ANLN: variants seen among roughly 807,000 people sequenced by gnomAD.
ANLN encodes anillin.
In ANLN, 59 loss-of-function variants were observed where a neutral mutation model predicts 135.1. That is an observed-to-expected ratio of 0.44 (90% CI 0.35 to 0.54). The LOEUF (loss-of-function observed/expected upper bound fraction) is 0.54. Ranked by LOEUF, ANLN falls within the 20% of genes least tolerant of loss-of-function variation. The pLI, the probability that ANLN is intolerant of heterozygous loss-of-function variation, is 0.00. For synonymous variants in ANLN, 406 were observed against 456.4 expected, an observed-to-expected ratio of 0.89 and a Z score of 1.41; for missense variants, 1,182 against 1,340.0, an observed-to-expected ratio of 0.88 and a Z score of 1.84.
At chr7:36,444,151 G>A (rs1238338199) in intron 22 of ANLN, among the ~76,000 whole-genome samples, 1 of 152,156 alleles carries the variant, frequency 6.6e-6, no homozygotes, top group African/African-American at 2.4e-5. Flanking sequence ...TTAGCTGGGT[G>A]TGGTGGCAGG....
At chr7:36,430,907 T>G (rs1788285387) in intron 20 of ANLN, among the ~76,000 whole-genome samples, 1 of 152,192 alleles carries the variant, frequency 6.6e-6, no homozygotes. Flanking sequence ...TCATACATTT[T>G]CACACAAGTC....
intron 23 of ANLN, among the ~76,000 whole-genome samples, chr7:36,450,540 G>A (rs1313132706): frequency 1.3e-5 from 2 of 152,164 alleles, no homozygotes; most frequent in African/African-American, 2.4e-5. Context: ...ATATTAGAAA[G>A]CTACAGCCAG....
chr7:36,398,434 C>T (rs945401797), intron 2 of ANLN, among the ~76,000 whole-genome samples: 15 of 152,044 alleles, frequency 9.9e-5, no homozygotes, highest in Admixed American at 5.2e-4. Flanking sequence ...TGACTTTAGG[C>T]GGGCAACTGA....
At chr7:36,424,161 T>G (rs1787989174) in intron 15 of ANLN, among the ~76,000 whole-genome samples, 1 of 152,166 alleles carries the variant, frequency 6.6e-6, no homozygotes, top group Non-Finnish European at 1.5e-5. Context: ...ACTGTAGGTA[T>G]TACATATTTT....
chr7:36,425,998 T>A lies in ANLN; in HGVS notation c.2749-17T>A. On this transcript the variant is annotated splice_polypyrimidine_tract_variant and intron_variant, in intron 18 of 23. Coordinates refer to ENST00000265748, the MANE Select transcript of ANLN (RefSeq NM_018685.5). ...ATAACTTATGTTTCTTCTTCACACC[T>A]TTTTTTTTTTTTTTAGAAAAGCAAC... 1.2e-5 allele frequency: 2 copies of A among 161,588 alleles called. No homozygotes were observed. The highest frequency in any genetic ancestry group is 2.5e-5 in the Non-Finnish European group (2 of 80,532). The allele number at this position is 161,588 out of a possible 1,614,324, so 10.0% of individuals were successfully genotyped here.
intron 5 of ANLN, among the ~76,000 whole-genome samples, chr7:36,409,846 A>G (rs139482982): frequency 3.3e-5 from 5 of 151,978 alleles, no homozygotes; most frequent in African/African-American, 1.2e-4. Flanking sequence ...TAATTTTAGT[A>G]TTTTTTATAG....
At position 36,399,189 on chromosome 7, in the gene ANLN, T is replaced by A; in HGVS notation, c.283T>A (p.Ser95Thr). The A allele has an allele frequency of 6.2e-7, 1 of 1,614,108 alleles. No individual in the cohort carries two copies. The highest frequency in any genetic ancestry group is 8.5e-7 in the Non-Finnish European group (1 of 1,180,020). ...KQPVESTSAK[S>T]CSPSPVSPQV... The stretch of plus-strand genomic sequence containing the variant: ...ACCAGTTGAGTCGACATCTGCAAAA[T>A]CTTGTTCTCCAAGTCCTGTGTCTCC... The change falls in exon 3 of 24, where the codon TCT (serine) becomes ACT (threonine). Residue 95 changes from serine to threonine, a missense_variant. Physicochemically the swap from Ser to Thr is moderately conservative, Grantham distance 58. Around this residue, in one of 3 missense-constraint regions of ANLN, gnomAD observed 1,022 missense variants for 1,134.0 expected, o/e 0.90. Coordinates refer to ENST00000265748, the MANE Select transcript of ANLN (RefSeq NM_018685.5).
chr7:36,424,997 T>C (rs1419961632), intron 17 of ANLN, among the ~76,000 whole-genome samples: 3 of 152,188 alleles, frequency 2.0e-5, no homozygotes, highest in Non-Finnish European at 4.4e-5. Flanking sequence ...GCAACTTTTA[T>C]AACTGCTTAA....
intron 9 of ANLN, among the ~76,000 whole-genome samples, chr7:36,418,492 C>T (rs1300932663): frequency 6.6e-6 from 1 of 152,184 alleles, no homozygotes; most frequent in African/African-American, 2.4e-5. Context: ...CAGTATATAT[C>T]ATAATACCAC....
At chr7:36,413,500 G>A (rs1443299834) in intron 7 of ANLN, among the ~76,000 whole-genome samples, 1 of 152,190 alleles carries the variant, frequency 6.6e-6, no homozygotes, top group African/African-American at 2.4e-5. Context: ...AGTGTCTCTA[G>A]AAAGTATAGA....
intron 15 of ANLN, among the ~76,000 whole-genome samples, 181 bp from the exon 16 acceptor site, chr7:36,424,364 G>A (rs1787996384): frequency 6.6e-6 from 1 of 152,004 alleles, no homozygotes; most frequent in South Asian, 2.1e-4. Context: ...TGTAAAACAC[G>A]GAGGAAAATA....
intron 20 of ANLN, among the ~76,000 whole-genome samples, chr7:36,428,679 G>A (rs370100343): frequency 8.6e-5 from 13 of 150,840 alleles, no homozygotes; most frequent in African/African-American, 3.2e-4. Context: ...GGTACAATTA[G>A]AATACCAATT....
In ANLN at chr7:36,406,269, G is replaced by T. The variant is rs376264665; in HGVS notation, c.576G>T (p.Ser192=). Residue 192 remains serine, a synonymous_variant, in exon 4 of 24, where the codon TCG becomes TCT. Transcript: ENST00000265748. ...SPPRPLLSNA[S]ATPVGRRGRL... is the part of the protein sequence containing the mutation. Reference sequence around the variant, plus strand: ...CCAGACCTCTGCTTTCAAATGCCTCGGCAACTCCAGTTGGCAGAAGGGGCC... The same window carrying T: ...CCAGACCTCTGCTTTCAAATGCCTCTGCAACTCCAGTTGGCAGAAGGGGCC... 17 of 1,613,918 alleles carry T rather than the reference G, an allele frequency of 1.1e-5. No homozygotes were observed. In the South Asian group the frequency reaches 1.9e-4, roughly 18 times the overall value.
chr7:36,390,376 A>C lies in ANLN; in HGVS notation c.18+332A>C, dbSNP rs539707980. ...CAAGAGTGAGGCGCAGGCCTGCGGA[A>C]CGGGTCCTGCTGGAAGCAGCTGGAA... On this transcript the variant is annotated intron_variant, in intron 1 of 23. Coordinates refer to ENST00000265748, the MANE Select transcript of ANLN (RefSeq NM_018685.5). 2.0e-4 allele frequency: 75 copies of C among 378,296 alleles called. 1 individual carries two copies. The Admixed American group carries it at 2.2e-3, about 11-fold the overall frequency. 23.4% of individuals were successfully genotyped at this position (378,296 alleles called of 1,614,324 possible). A position where few individuals can be genotyped will look rare whatever the true frequency, so the allele number is the denominator to read the frequency against.
chr7:36,436,630 C>T (rs567445641), intron 20 of ANLN, among the ~76,000 whole-genome samples: 2 of 152,158 alleles, frequency 1.3e-5, no homozygotes, highest in Non-Finnish European at 2.9e-5. Flanking sequence ...ATTTTCTGTT[C>T]GTTTTATTTT....
chr7:36,426,761 A>AT (rs1056609531), intron 19 of ANLN, among the ~76,000 whole-genome samples, 155 bp from the exon 20 acceptor site: 20 of 151,798 alleles, frequency 1.3e-4, no homozygotes, highest in Admixed American at 3.3e-4. Context: ...AAATAAGTTG[A>AT]TTTTTCCCCC....
intron 22 of ANLN, among the ~76,000 whole-genome samples, chr7:36,444,224 A>C (rs1205122677): frequency 6.6e-6 from 1 of 151,818 alleles, no homozygotes; most frequent in Non-Finnish European, 1.5e-5. Context: ...CAGGAGACCA[A>C]GGTTGCAGTG....
Position 36,406,441 on chromosome 7 carries a change from A to G in ANLN, c.748A>G (p.Ser250Gly). The change falls in exon 4 of 24, where the codon AGC (serine) becomes GGC (glycine). Residue 250 changes from serine to glycine, a missense_variant. By Grantham distance (56) the Ser-to-Gly change is moderately conservative. Transcript: ENST00000265748. ...SASGASARIN[S>G]SSVKQEATFC... ...AAGTGGAGCATCTGCTAGGATCAAT[A>G]GCAGCAGTGTTAAGCAGGAAGCTAC... 6.2e-7 allele frequency: 1 copy of G among 1,613,518 alleles called. No homozygotes were observed. The highest frequency in any genetic ancestry group is 1.1e-5 in the South Asian group (1 of 90,994).
intron 22 of ANLN, chr7:36,448,986 A>T (rs571166058): frequency 6.6e-6 from 1 of 152,340 alleles, no homozygotes; most frequent in South Asian, 2.1e-4. Context: ...TCCCTAACCA[A>T]TCAACAGAGG....
Sources: gnomAD v4.1 joint callset for allele counts (sites outside exome capture counted in the v4.1 genomes callset) on GRCh38, gnomAD v4.1.1 for gene constraint, gnomAD v4.1.1 regional missense constraint, MANE v1.5 for transcripts, NCBI Gene and HGNC (gene_info 2026-07-23, HGNC 2026-07-21) for gene names.